CHCHD6: variants seen among roughly 807,000 people sequenced by gnomAD.
CHCHD6 encodes MICOS complex subunit MIC25.
In CHCHD6, 28 loss-of-function variants were observed where a neutral mutation model predicts 32.3. That is an observed-to-expected ratio of 0.87 (90% CI 0.64 to 1.19). CHCHD6 has a LOEUF of 1.19. CHCHD6 is among the 50% of genes most tolerant of loss of function. The probability of loss-of-function intolerance (pLI) is 0.00; values close to 1 mark genes in which losing one functional copy is unlikely to be tolerated. For synonymous variants in CHCHD6, 122 were observed against 117.5 expected (o/e 1.04, Z -0.25); for missense variants, 333 against 307.0 (o/e 1.08, Z -0.63).
At chr3:126,863,503 A>G (rs1177685084) in intron 5 of CHCHD6, among the ~76,000 whole-genome samples, 3 of 131,552 alleles carry the variant, frequency 2.3e-5, no homozygotes, top group Non-Finnish European at 4.9e-5. Context: ...CTCCTCTACT[A>G]TCACCACCTC....
chr3:126,801,126 G>A (rs548007363), intron 4 of CHCHD6, among the ~76,000 whole-genome samples: 4 of 152,386 alleles, frequency 2.6e-5, no homozygotes, highest in East Asian at 1.9e-4. Flanking sequence ...AGCTCCCAGC[G>A]TGAGCGACGC....
chr3:126,780,878 T>C (rs1937903577), intron 4 of CHCHD6, among the ~76,000 whole-genome samples: 2 of 152,216 alleles, frequency 1.3e-5, no homozygotes, highest in South Asian at 4.1e-4. Context: ...CTATTCCACC[T>C]GTGTCTGAGC....
intron 1 of CHCHD6, among the ~76,000 whole-genome samples, chr3:126,704,957 G>C (rs1407307878): frequency 6.6e-6 from 1 of 151,958 alleles, no homozygotes; most frequent in Non-Finnish European, 1.5e-5. Flanking sequence ...GCTGCCCGTC[G>C]ACCTCTGGGG....
chr3:126,733,125 C>T lies in CHCHD6; in HGVS notation c.314C>T (p.Ala105Val), dbSNP rs1935884953. 1 of 1,614,120 alleles carries T rather than the reference C, an allele frequency of 6.2e-7. No individual in the cohort carries two copies. The highest frequency in any genetic ancestry group is 1.1e-5 in the South Asian group (1 of 91,080). Reference sequence around the variant, plus strand: ...ATCCAGGATAAGCTCTTCCAGGTGGCAAAGAGGGAAAGAGAGGCTGCCACC... The same window carrying T: ...ATCCAGGATAAGCTCTTCCAGGTGGTAAAGAGGGAAAGAGAGGCTGCCACC... ...AAIQDKLFQV[A>V]KREREAATKH... Residue 105 changes from alanine to valine, a missense_variant, in exon 4 of 8, where the codon GCA becomes GTA. Coordinates refer to ENST00000290913, the MANE Select transcript of CHCHD6 (RefSeq NM_032343.3).
intron 4 of CHCHD6, among the ~76,000 whole-genome samples, chr3:126,765,471 T>A (rs1937332623): frequency 6.6e-6 from 1 of 152,130 alleles, no homozygotes; most frequent in South Asian, 2.1e-4. Context: ...AAATATTTGG[T>A]ACCAGAGCCA....
At chr3:126,896,576 T>C (rs2077842780) in intron 5 of CHCHD6, among the ~76,000 whole-genome samples, 1 of 152,208 alleles carries the variant, frequency 6.6e-6, no homozygotes, top group Non-Finnish European at 1.5e-5. Flanking sequence ...ATTACCTCCA[T>C]TGCCAACTGG....
intron 4 of CHCHD6, chr3:126,767,379 G>A: frequency 1.3e-6 from 1 of 779,604 alleles, no homozygotes; most frequent in Non-Finnish European, 2.4e-6. Context: ...ATCACTTCGT[G>A]GCTGAGGCCC....
intron 4 of CHCHD6, among the ~76,000 whole-genome samples, chr3:126,784,889 T>A (rs1273904122): frequency 6.6e-6 from 1 of 152,130 alleles, no homozygotes; most frequent in African/African-American, 2.4e-5. Flanking sequence ...CATTTTCCCC[T>A]CCCTATTGAT....
At chr3:126,864,177 C>CT in intron 5 of CHCHD6, among the ~76,000 whole-genome samples, 1 of 134,756 alleles carries the variant, frequency 7.4e-6, no homozygotes, top group Non-Finnish European at 1.6e-5. Flanking sequence ...TCACCACCTC[C>CT]CCACCTCCCC....
chr3:126,818,669 C>T (rs534029263), intron 4 of CHCHD6, among the ~76,000 whole-genome samples: 1 of 152,178 alleles, frequency 6.6e-6, no homozygotes, highest in Non-Finnish European at 1.5e-5. Context: ...TACCTAGTGC[C>T]GCAGGTCTCT....
chr3:126,955,258 C>T (rs1463970067), intron 6 of CHCHD6, among the ~76,000 whole-genome samples: 1 of 152,276 alleles, frequency 6.6e-6, no homozygotes, highest in East Asian at 1.9e-4. Context: ...ATTCTTGCCC[C>T]AGCCGCCTGT....
At chr3:126,922,603 C>T (rs2078266719) in intron 6 of CHCHD6, among the ~76,000 whole-genome samples, 1 of 149,568 alleles carries the variant, frequency 6.7e-6, no homozygotes, top group Non-Finnish European at 1.5e-5. Context: ...TGTGCCCTTC[C>T]CTGAATTTCA....
At chr3:126,735,015 G>T (rs1440892617) in intron 4 of CHCHD6, among the ~76,000 whole-genome samples, 1 of 152,136 alleles carries the variant, frequency 6.6e-6, no homozygotes, top group African/African-American at 2.4e-5. Flanking sequence ...AGAAACCGGG[G>T]CCAGGGCATG....
intron 6 of CHCHD6, among the ~76,000 whole-genome samples, chr3:126,947,226 G>A (rs59518052): frequency 1.3e-5 from 2 of 152,328 alleles, no homozygotes; most frequent in African/African-American, 4.8e-5. Context: ...GGACGCTTCC[G>A]CTCACTTCTG....
chr3:126,774,170 A>G (rs1208724424), intron 4 of CHCHD6, among the ~76,000 whole-genome samples: 2 of 152,224 alleles, frequency 1.3e-5, no homozygotes, highest in Admixed American at 6.5e-5. Flanking sequence ...TGTATACACA[A>G]TAAAATTCAC....
chr3:126,707,358 G>A lies in CHCHD6; in HGVS notation c.87+2959G>A, dbSNP rs114859594. On this transcript the variant is annotated intron_variant, in intron 1 of 7. Coordinates refer to ENST00000290913, the MANE Select transcript of CHCHD6 (RefSeq NM_032343.3). ...AGTGTGTTCAAACCGTAATTCCATGGAAGGTAAAAGAAATTTAATGAATGC... is the reference window on the plus strand; with the variant it reads ...AGTGTGTTCAAACCGTAATTCCATGAAAGGTAAAAGAAATTTAATGAATGC... 1.0e-2 allele frequency among the ~76,000 whole-genome samples: 1,519 copies of A among 152,198 alleles called. 21 individuals carry two copies. Among genetic ancestry groups the A allele is most frequent in the African/African-American group, 0.034 (1,421 of 41,520 alleles).
intron 4 of CHCHD6, among the ~76,000 whole-genome samples, chr3:126,801,935 C>A (rs950532541): frequency 9.9e-5 from 15 of 152,208 alleles, no homozygotes; most frequent in African/African-American, 3.1e-4. Flanking sequence ...GGCACCGCTG[C>A]TGATACCCAG....
intron 4 of CHCHD6, among the ~76,000 whole-genome samples, chr3:126,851,269 A>T (rs1294217549): frequency 2.0e-5 from 3 of 152,196 alleles, no homozygotes; most frequent in Admixed American, 6.5e-5. Context: ...GTTCCCTGTC[A>T]GTAGGAGTAG....
At chr3:126,711,901 G>A (rs1375142919) in intron 1 of CHCHD6, among the ~76,000 whole-genome samples, 1 of 152,254 alleles carries the variant, frequency 6.6e-6, no homozygotes, top group Non-Finnish European at 1.5e-5. Flanking sequence ...AGTACACACT[G>A]TGTGCCGGTT....
Sources: allele counts gnomAD v4.1 joint callset (sites outside exome capture counted in the v4.1 genomes callset), GRCh38; gene constraint gnomAD v4.1.1; transcripts MANE v1.5; gene names NCBI Gene and HGNC (gene_info 2026-07-23, HGNC 2026-07-21).